Variants in VEGFC observed in about 807,000 individuals in gnomAD.
VEGFC encodes vascular endothelial growth factor C.
Under a neutral mutation model 46.1 loss-of-function variants are expected in VEGFC, and 12 were observed. The ratio of observed to expected loss-of-function variants is 0.26; its 90% CI spans 0.17 to 0.42. The LOEUF (loss-of-function observed/expected upper bound fraction) is 0.42. VEGFC is among the 10% of genes least tolerant of loss of function. The pLI, the probability that VEGFC is intolerant of heterozygous loss-of-function variation, is 1.00. For synonymous variants in VEGFC, 232 were observed against 195.5 expected (o/e 1.19, Z -1.56); for missense variants, 488 against 529.4 (o/e 0.92, Z 0.77).
At position 176,792,624 on chromosome 4, in the gene VEGFC, G is replaced by T. The variant is rs1389246063; in HGVS notation, c.-313C>A. 2.0e-5 allele frequency: 5 copies of T among 256,256 alleles called. No individual in the cohort carries two copies. The highest frequency in any genetic ancestry group is 1.1e-4 in the Admixed American group (2 of 17,928). The allele number at this position is 256,256 out of a possible 1,614,324, so 15.9% of individuals were successfully genotyped here. A position where few individuals can be genotyped will look rare whatever the true frequency, so the allele number is the denominator to read the frequency against. On this transcript the variant is annotated 5_prime_UTR_variant, in exon 1 of 7. Coordinates refer to ENST00000618562, the MANE Select transcript of VEGFC (RefSeq NM_005429.5). This position sits in a 1 kb window ranked among gnomAD's most constrained non-coding sequence, Gnocchi z 6.3. Reference sequence around the variant, plus strand: ...CGAGGGCGAGGGAGGACGCCGCCGCGGTCCGCGTCGGTGTAGCTTTTTGGA... The same window carrying T: ...CGAGGGCGAGGGAGGACGCCGCCGCTGTCCGCGTCGGTGTAGCTTTTTGGA...
At chr4:176,788,349 A>G (rs541042439) in intron 1 of VEGFC, among the ~76,000 whole-genome samples, 1 of 152,350 alleles carries the variant, frequency 6.6e-6, no homozygotes, top group East Asian at 1.9e-4. Flanking sequence ...AATAAATGCA[A>G]CAAGGTGCCC....
chr4:176,781,417 A>T (rs1735912789), intron 1 of VEGFC, among the ~76,000 whole-genome samples: 1 of 152,252 alleles, frequency 6.6e-6, no homozygotes, highest in South Asian at 2.1e-4. Flanking sequence ...TACACAAAAC[A>T]GACACAAACA....
At chr4:176,742,251 C>T (rs1298854880) in intron 1 of VEGFC, among the ~76,000 whole-genome samples, 1 of 152,064 alleles carries the variant, frequency 6.6e-6, no homozygotes, top group African/African-American at 2.4e-5. Flanking sequence ...CATGTTGCTG[C>T]AAAGCACATC....
chr4:176,731,408 A>C (rs771908336), intron 1 of VEGFC, among the ~76,000 whole-genome samples: 1 of 152,044 alleles, frequency 6.6e-6, no homozygotes, highest in Non-Finnish European at 1.5e-5. Context: ...CACAATGTAC[A>C]TGTACAGCAA....
At chr4:176,694,623 G>A (rs1734273916) in intron 4 of VEGFC, among the ~76,000 whole-genome samples, 1 of 151,760 alleles carries the variant, frequency 6.6e-6, no homozygotes, top group African/African-American at 2.4e-5. Context: ...TCTGCACCAA[G>A]CGGACCTAAT....
chr4:176,790,571 A>C (rs559659118), intron 1 of VEGFC, among the ~76,000 whole-genome samples: 1 of 152,022 alleles, frequency 6.6e-6, no homozygotes, highest in African/African-American at 2.4e-5. Context: ...TTAATTCTAG[A>C]CTCACCCAGC....
rs1459977035 is a variant in VEGFC at position 176,692,572 on chromosome 4, G to A, written c.705-4645C>T. On this transcript the variant is annotated intron_variant, in intron 4 of 6. Coordinates refer to ENST00000618562, the MANE Select transcript of VEGFC (RefSeq NM_005429.5). ...GGGAGGGACGCCCGCCATTGCCCAG[G>A]CTTGATTAGGTAAACAAAGCAGCCG... Among the ~76,000 whole-genome samples the A allele has an allele frequency of 4.1e-4, 55 of 135,248 alleles. 4 individuals are homozygous for A. The highest frequency in any genetic ancestry group is 5.7e-4 in the Non-Finnish European group (38 of 66,196). 88.7% of individuals were successfully genotyped at this position (135,248 alleles called of 152,430 possible).
intron 3 of VEGFC, among the ~76,000 whole-genome samples, chr4:176,725,776 A>G (rs1734864419): frequency 6.6e-6 from 1 of 152,174 alleles, no homozygotes; most frequent in Non-Finnish European, 1.5e-5. Context: ...AGGAAATGAC[A>G]TATTTCTCAA....
chr4:176,685,965 T>C (rs1298477709), intron 6 of VEGFC, among the ~76,000 whole-genome samples: 1 of 152,170 alleles, frequency 6.6e-6, no homozygotes, highest in East Asian at 1.9e-4. Flanking sequence ...ACTCGTTATA[T>C]ACTGTGGAAA....
chr4:176,749,703 T>C (rs185358427), intron 1 of VEGFC, among the ~76,000 whole-genome samples: 46 of 151,906 alleles, frequency 3.0e-4, no homozygotes, highest in Non-Finnish European at 5.8e-4. Context: ...GTCAAATATA[T>C]ACCAAAAATC....
At chr4:176,755,045 G>GT (rs1428424721) in intron 1 of VEGFC, among the ~76,000 whole-genome samples, 1 of 151,976 alleles carries the variant, frequency 6.6e-6, no homozygotes, top group African/African-American at 2.4e-5. Context: ...CCTATTACAG[G>GT]TAAGTAATTT....
chr4:176,685,307 G>A lies in VEGFC; in HGVS notation c.1146-1267C>T, dbSNP rs984513651. On this transcript the variant is annotated intron_variant, in intron 6 of 6. Coordinates refer to ENST00000618562, the MANE Select transcript of VEGFC (RefSeq NM_005429.5). ...TGATACTTAATGATCCATAAAAGCT[G>A]TTAATTAAGGCAATGAACCAAAGAA... is the stretch of plus-strand genomic sequence containing the variant. Among the ~76,000 whole-genome samples, 9 of 152,282 alleles carry A rather than the reference G, an allele frequency of 5.9e-5. No individual in the cohort carries two copies. The South Asian group carries it at 6.2e-4, about 11-fold the overall frequency.
rs561108121 is a variant in VEGFC at position 176,773,329 on chromosome 4, C to T, written c.147+18836G>A. Among the ~76,000 whole-genome samples the T allele has an allele frequency of 6.6e-5, 10 of 152,302 alleles. No individual in the cohort carries two copies. The South Asian group carries it at 1.9e-3, about 28-fold the overall frequency. On this transcript the variant is annotated intron_variant, in intron 1 of 6. Coordinates refer to ENST00000618562, the MANE Select transcript of VEGFC (RefSeq NM_005429.5). ...GCTCCATGTGGTACCAGCCCTTAAA[C>T]GCCCACTGGGGCCTTTTAGTTACTA...
chr4:176,690,285 G>A (rs1457239281), intron 4 of VEGFC, among the ~76,000 whole-genome samples: 2 of 150,494 alleles, frequency 1.3e-5, no homozygotes, highest in Admixed American at 1.3e-4. Context: ...AAGACTATGA[G>A]AAAAATGTAC....
At chr4:176,720,016 A>T (rs1350976091) in intron 3 of VEGFC, among the ~76,000 whole-genome samples, 1 of 151,790 alleles carries the variant, frequency 6.6e-6, no homozygotes, top group African/African-American at 2.4e-5. Context: ...CCAAGATCAC[A>T]CCATTGCACT....
At chr4:176,762,072 C>G (rs1383372532) in intron 1 of VEGFC, among the ~76,000 whole-genome samples, 1 of 152,228 alleles carries the variant, frequency 6.6e-6, no homozygotes, top group African/African-American at 2.4e-5. Flanking sequence ...TCTGCCTGCA[C>G]AGCGGATACT....
chr4:176,736,931 T>A (rs1055046892), intron 1 of VEGFC, among the ~76,000 whole-genome samples: 2 of 151,362 alleles, frequency 1.3e-5, no homozygotes, highest in African/African-American at 4.8e-5. Flanking sequence ...ATTTTAATTT[T>A]AAGGATGGAT....
chr4:176,749,595 A>C (rs145562714), intron 1 of VEGFC, among the ~76,000 whole-genome samples: 29 of 151,956 alleles, frequency 1.9e-4, no homozygotes, highest in Admixed American at 3.9e-4. Context: ...TCAATTACTT[A>C]AGAATTTCTT....
rs374451208 is a variant in VEGFC, at chr4:176,684,065, T to C, written c.1146-25A>G. ...GCTAGGAGAACAAACAAGAACACAC[T>C]TACGTTAAAGATCAAGGCAATGGAT... On this transcript the variant is annotated intron_variant, in intron 6 of 6. Coordinates refer to ENST00000618562, the MANE Select transcript of VEGFC (RefSeq NM_005429.5). 20 of 1,563,366 alleles carry C rather than the reference T, an allele frequency of 1.3e-5. No homozygotes were observed. The African/African-American group carries it at 2.4e-4, about 19-fold the overall frequency.
Sources: allele counts gnomAD v4.1 joint callset (sites outside exome capture counted in the v4.1 genomes callset), GRCh38; gene constraint gnomAD v4.1.1; non-coding constraint Gnocchi (gnomAD v3.1); transcripts MANE v1.5; gene names NCBI Gene and HGNC (gene_info 2026-07-23, HGNC 2026-07-21).